PIK3R3: variants seen among roughly 807,000 people sequenced by gnomAD.
The protein encoded by PIK3R3 is phosphatidylinositol 3-kinase regulatory subunit gamma.
PIK3R3 carries 64 observed loss-of-function variants against 62.9 expected under a neutral mutation model. The observed-to-expected ratio is 1.02, with a 90% CI of 0.83 to 1.25. PIK3R3 has a LOEUF of 1.25. Among genes scored for constraint, PIK3R3 ranks in the 50% most tolerant of loss-of-function variants. The pLI is 0.00. For missense variants in PIK3R3, 614 were observed against 561.6 expected (o/e 1.09, Z -0.94); for synonymous variants, 165 against 189.0 (o/e 0.87, Z 1.04).
rs374936640 is a variant in PIK3R3, at chr1:46,104,060, G to C, written c.107-23310C>G. Among the ~76,000 whole-genome samples, 22 of 152,016 alleles carry C rather than the reference G, an allele frequency of 1.4e-4. No homozygotes were observed. The East Asian group carries it at 4.3e-3, about 29-fold the overall frequency. The stretch of plus-strand genomic sequence containing the variant: ...CCTGCCTCAGCCTCCTGCATAGCTG[G>C]GATTACAGGATGCACCACCATGCCT... On this transcript the variant is annotated intron_variant, in intron 1 of 9. Transcript: ENST00000262741.
At chr1:46,173,689 C>G in the PIK3R3 span, among the ~76,000 whole-genome samples, 1 of 152,118 alleles carries the variant, frequency 6.6e-6, no homozygotes, top group Non-Finnish European at 1.5e-5. Context: ...GAATTAGGAA[C>G]CTGAAGGGGG....
Position 46,132,569 on chromosome 1 carries a change from G to C in PIK3R3, c.-617C>G. The C allele has an allele frequency of 7.8e-7, 1 of 1,284,416 alleles. No individual in the cohort carries two copies. Among genetic ancestry groups the C allele is most frequent in the Non-Finnish European group, 1.0e-6 (1 of 986,006 alleles). The allele number at this position is 1,284,416 out of a possible 1,614,324, so 79.6% of individuals were successfully genotyped here. A position where few individuals can be genotyped will look rare whatever the true frequency, so the allele number is the denominator to read the frequency against. ...AAGTCCAGTCAGCTCGGCTTGTCTG[G>C]GCGCTCCCGCCGGGGTGTAAGAACC... On this transcript the variant is annotated 5_prime_UTR_variant, in exon 1 of 10. Coordinates refer to ENST00000262741, the MANE Select transcript of PIK3R3 (RefSeq NM_003629.4).
intron 1 of PIK3R3, among the ~76,000 whole-genome samples, chr1:46,111,947 C>G (rs1653779743): frequency 6.6e-6 from 1 of 152,150 alleles, no homozygotes; most frequent in African/African-American, 2.4e-5. Context: ...ATAGCAATTC[C>G]ATCTCTGTCC....
intron 5 of PIK3R3, among the ~76,000 whole-genome samples, chr1:46,064,519 C>A (rs554334555): frequency 2.6e-4 from 40 of 151,806 alleles, no homozygotes; most frequent in African/African-American, 9.2e-4. Context: ...CCAGCCTGGG[C>A]GACAGAGCAA....
intron 1 of PIK3R3, among the ~76,000 whole-genome samples, chr1:46,085,525 A>G (rs1281726708): frequency 6.6e-6 from 1 of 152,234 alleles, no homozygotes; most frequent in Non-Finnish European, 1.5e-5. Context: ...TAGATTGTAG[A>G]ATATACTGGG....
the PIK3R3 span, among the ~76,000 whole-genome samples, chr1:46,162,299 A>G: frequency 6.6e-6 from 1 of 151,946 alleles, no homozygotes; most frequent in Admixed American, 6.6e-5. Flanking sequence ...CCTGGACAAC[A>G]TGGCAAAACC....
At chr1:46,105,215 G>T in intron 1 of PIK3R3, 1 of 444,202 alleles carries the variant, frequency 2.3e-6, no homozygotes, top group Non-Finnish European at 4.1e-6. Flanking sequence ...TTAAAAAACA[G>T]CTCATCAGCT....
chr1:46,102,335 CA>C (rs1652776504), intron 1 of PIK3R3, among the ~76,000 whole-genome samples: 1 of 152,110 alleles, frequency 6.6e-6, no homozygotes, highest in South Asian at 2.1e-4. Context: ...AATTATATCT[CA>C]ATAAAGCTTT....
the PIK3R3 span, among the ~76,000 whole-genome samples, chr1:46,142,514 C>G: frequency 3.9e-5 from 6 of 152,144 alleles, no homozygotes; most frequent in African/African-American, 1.4e-4. Context: ...CTGGCTAACA[C>G]GGTGAAACCC....
intron 1 of PIK3R3, among the ~76,000 whole-genome samples, chr1:46,112,834 C>T (rs570962856): frequency 2.0e-4 from 31 of 152,136 alleles, no homozygotes; most frequent in Non-Finnish European, 4.1e-4. Context: ...GCCATTTCAC[C>T]ATTCCCTCAT....
chr1:46,080,661 AC>A lies in PIK3R3; in HGVS notation c.195del (p.Trp65CysfsTer11). The A allele has an allele frequency of 6.2e-7, 1 of 1,607,506 alleles. No homozygotes were observed. Among genetic ancestry groups the A allele is most frequent in the Non-Finnish European group, 8.5e-7 (1 of 1,174,014 alleles). ...DSSVSLQDAE[W>X]YWGDISREEV... ...AGTTACCTTGAAATATCCCCCCAGT[AC>A]CATTCTGCATCCTGAAGAGAAACAG... is the stretch of plus-strand genomic sequence containing the variant. On this transcript the variant is annotated frameshift_variant, in exon 2 of 10. Transcript: ENST00000262741. LOFTEE classifies it high-confidence loss of function.
chr1:46,080,408 CTTTT>C (rs1031756656), intron 2 of PIK3R3, among the ~76,000 whole-genome samples: 1 of 148,162 alleles, frequency 6.7e-6, no homozygotes, highest in African/African-American at 2.5e-5. Context: ...TTACAATGCT[CTTTT>C]TTTTTGAGAG....
intron 3 of PIK3R3, among the ~76,000 whole-genome samples, chr1:46,071,759 A>AGAGAGAGAGCGAGCGAGC (rs777668187): frequency 2.9e-4 from 29 of 100,124 alleles, no homozygotes; most frequent in African/African-American, 9.8e-4. Context: ...AGAGAGAGAG[A>AGAGAGAGAGCGAGCGAGC]GCGCGCGCCT....
intron 6 of PIK3R3, 22 bp downstream of exon 6, chr1:46,061,907 T>C (rs1374164938): frequency 1.2e-6 from 2 of 1,605,908 alleles, no homozygotes; most frequent in Non-Finnish European, 1.7e-6. Flanking sequence ...CTGATGCCCT[T>C]GGAGGTACTA....
chr1:46,129,409 A>AG (rs1426142845), intron 1 of PIK3R3, among the ~76,000 whole-genome samples: 1 of 79,060 alleles, frequency 1.3e-5, no homozygotes, highest in African/African-American at 5.5e-5. Flanking sequence ...GATTTTATTT[A>AG]TTTATTTATT....
intron 1 of PIK3R3, among the ~76,000 whole-genome samples, chr1:46,124,445 TA>T (rs1249154565): frequency 6.6e-6 from 1 of 152,208 alleles, no homozygotes; most frequent in Non-Finnish European, 1.5e-5. Context: ...CCTATCTTGT[TA>T]AATATGGCAA....
chr1:46,070,998 A>G (rs1178889371), intron 3 of PIK3R3, among the ~76,000 whole-genome samples: 1 of 152,112 alleles, frequency 6.6e-6, no homozygotes, highest in Admixed American at 6.5e-5. Flanking sequence ...TTCACTACCT[A>G]CTACTCTCTG....
upstream of PIK3R3, among the ~76,000 whole-genome samples, chr1:46,136,070 CTTTT>C (rs571080588): frequency 8.0e-6 from 1 of 124,230 alleles, no homozygotes; most frequent in South Asian, 2.6e-4. Flanking sequence ...TGGAAATATA[CTTTT>C]TTTTTTTTTT....
At chr1:46,088,427 CATA>C (rs201731936) in intron 1 of PIK3R3, among the ~76,000 whole-genome samples, 3,037 of 151,976 alleles carry the variant, frequency 0.02, 55 homozygotes, top group Admixed American at 0.034. Flanking sequence ...ACAAAGACAG[CATA>C]ATATCTCAGA....
Sources: gnomAD v4.1 joint callset for allele counts (sites outside exome capture counted in the v4.1 genomes callset) on GRCh38, gnomAD v4.1.1 for gene constraint, MANE v1.5 for transcripts, NCBI Gene and HGNC (gene_info 2026-07-23, HGNC 2026-07-21) for gene names.